The following IL1R1 variants were observed in gnomAD, a reference collection of about 807,000 sequenced individuals.
IL1R1 encodes the protein interleukin-1 receptor type 1.
Under a neutral mutation model 50.2 loss-of-function variants are expected in IL1R1, and 22 were observed. The ratio of observed to expected loss-of-function variants is 0.44; its 90% CI spans 0.31 to 0.63. IL1R1 has a LOEUF of 0.63. Ranked by LOEUF, IL1R1 falls within the 20% of genes least tolerant of loss-of-function variation. The pLI is 0.07. For synonymous variants in IL1R1, 251 were observed against 236.7 expected (o/e 1.06, Z -0.55); for missense variants, 509 against 676.2 (o/e 0.75, Z 2.74).
At chr2:102,120,393 C>A (rs1024960188) in intron 1 of IL1R1, among the ~76,000 whole-genome samples, 4 of 152,038 alleles carry the variant, frequency 2.6e-5, no homozygotes, top group Non-Finnish European at 5.9e-5. Context: ...GAATGTGTGT[C>A]GTGTGTGCAT....
intron 1 of IL1R1, among the ~76,000 whole-genome samples, chr2:102,124,241 G>A (rs752207654): frequency 6.6e-6 from 1 of 152,118 alleles, no homozygotes; most frequent in Non-Finnish European, 1.5e-5. Flanking sequence ...GGGCAACATG[G>A]TGAAACTCCA....
At chr2:102,147,021 A>G (rs1683189252) in intron 1 of IL1R1, among the ~76,000 whole-genome samples, 1 of 152,202 alleles carries the variant, frequency 6.6e-6, no homozygotes, top group Non-Finnish European at 1.5e-5. Context: ...AGGGCACCGG[A>G]CATGTCTAAG....
chr2:102,101,467 T>C (rs1350529985), upstream of IL1R1, among the ~76,000 whole-genome samples: 1 of 152,172 alleles, frequency 6.6e-6, no homozygotes, highest in East Asian at 1.9e-4. Flanking sequence ...GGTTAGATTC[T>C]AGGGTTGCAC....
At chr2:102,166,351 T>G in intron 6 of IL1R1, 70 bp downstream of exon 6, 1 of 1,183,550 alleles carries the variant, frequency 8.4e-7, no homozygotes, top group East Asian at 2.5e-5. Context: ...CTAATACTAC[T>G]TTCATTATCC....
chr2:102,153,309 G>T (rs116343300), intron 1 of IL1R1, among the ~76,000 whole-genome samples: 1 of 152,074 alleles, frequency 6.6e-6, no homozygotes, highest in African/African-American at 2.4e-5. Flanking sequence ...TCTGCACCCC[G>T]GTGTCTAGCA....
At chr2:102,149,569 C>A (rs1683469037) in intron 1 of IL1R1, among the ~76,000 whole-genome samples, 1 of 152,200 alleles carries the variant, frequency 6.6e-6, no homozygotes, top group South Asian at 2.1e-4. Flanking sequence ...AACCCACCAG[C>A]ACCCCTGTTC....
chr2:102,154,962 G>A (rs1365289465), intron 2 of IL1R1, among the ~76,000 whole-genome samples: 3 of 152,164 alleles, frequency 2.0e-5, no homozygotes, highest in African/African-American at 7.2e-5. Context: ...CCCTGGGCAT[G>A]GCTCTTCCAG....
chr2:102,123,703 TAGAGGTGG>T (rs1425067073), intron 1 of IL1R1, among the ~76,000 whole-genome samples: 1 of 151,754 alleles, frequency 6.6e-6, no homozygotes, highest in South Asian at 2.1e-4. Flanking sequence ...TCTTGAGCCC[TAGAGGTGG>T]AGTTTGCAGT....
intron 2 of IL1R1, 82 bp from the exon 3 acceptor site, chr2:102,157,637 T>G: frequency 1.2e-6 from 1 of 823,510 alleles, no homozygotes; most frequent in Non-Finnish European, 2.1e-6. Flanking sequence ...ACAGGGCCGG[T>G]GTTGGTATAT....
chr2:102,076,997 T>C (rs1002130875), intron 1 of IL1R1, among the ~76,000 whole-genome samples: 1 of 152,208 alleles, frequency 6.6e-6, no homozygotes, highest in African/African-American at 2.4e-5. Context: ...AATCTTCTTT[T>C]CTCACCGCTT....
In IL1R1 at chr2:102,089,314, G is replaced by A. The variant is rs552658171; in HGVS notation, c.-84+18781G>A. Among the ~76,000 whole-genome samples the A allele has an allele frequency of 2.4e-4, 36 of 152,300 alleles. No homozygotes were observed. In the South Asian group the frequency reaches 6.4e-3, roughly 27 times the overall value. ...CAATATTGTTGCATCTCAGAGAATA[G>A]GAAGGAGACAGAGAGATGGGGGAGT... On this transcript the variant is annotated intron_variant, in intron 1 of 11. Coordinates refer to the IL1R1 transcript ENST00000409929.
At chr2:102,156,172 A>C (rs1456487259) in intron 2 of IL1R1, 1 of 152,634 alleles carries the variant, frequency 6.6e-6, no homozygotes, top group Non-Finnish European at 1.5e-5. Flanking sequence ...ACGCAGTCAC[A>C]GAAAGAGCTC....
At chr2:102,089,959 G>C (rs1679589924) in intron 1 of IL1R1, among the ~76,000 whole-genome samples, 1 of 150,412 alleles carries the variant, frequency 6.6e-6, no homozygotes, top group African/African-American at 2.5e-5. Flanking sequence ...TCAGCCTCCT[G>C]AGTAGCTGGG....
chr2:102,152,349 C>T (rs1156421919), intron 1 of IL1R1, among the ~76,000 whole-genome samples: 2 of 150,620 alleles, frequency 1.3e-5, no homozygotes, highest in African/African-American at 4.9e-5. Flanking sequence ...ACTAAAAATA[C>T]AAAAAATTAG....
chr2:102,175,909 C>A, intron 11 of IL1R1: 3 of 578,466 alleles, frequency 5.2e-6, no homozygotes, highest in South Asian at 2.3e-5. Context: ...ACAACTGATA[C>A]AATTAAACAG....
At chr2:102,137,056 C>T (rs1285146921) in intron 1 of IL1R1, among the ~76,000 whole-genome samples, 1 of 152,206 alleles carries the variant, frequency 6.6e-6, no homozygotes, top group Non-Finnish European at 1.5e-5. Context: ...ATTTGACCAT[C>T]TCATAGCTCT....
chr2:102,146,685 T>A (rs1683151994), intron 1 of IL1R1, among the ~76,000 whole-genome samples: 1 of 152,206 alleles, frequency 6.6e-6, no homozygotes, highest in Non-Finnish European at 1.5e-5. Context: ...CAACAATATA[T>A]GTATTTCATA....
At chr2:102,175,706 G>A in intron 11 of IL1R1, 61 bp downstream of exon 11, 1 of 1,499,488 alleles carries the variant, frequency 6.7e-7, no homozygotes, top group Non-Finnish European at 9.3e-7. Context: ...GTAAAATGTG[G>A]ATTCCATCTT....
chr2:102,160,644 C>T (rs1334234233), intron 3 of IL1R1, among the ~76,000 whole-genome samples: 1 of 152,086 alleles, frequency 6.6e-6, no homozygotes, highest in South Asian at 2.1e-4. Context: ...GTTACCCCAG[C>T]CTCAATCAAC....
Sources: gnomAD v4.1 joint callset for allele counts (sites outside exome capture counted in the v4.1 genomes callset) on GRCh38, gnomAD v4.1.1 for gene constraint, MANE v1.5 for transcripts, NCBI Gene and HGNC (gene_info 2026-07-23, HGNC 2026-07-21) for gene names.